WDFY4: variants seen among roughly 807,000 people sequenced by gnomAD.
WDFY4 encodes WD repeat- and FYVE domain-containing protein 4.
Under a neutral mutation model 351.9 loss-of-function variants are expected in WDFY4, and 169 were observed. The ratio of observed to expected loss-of-function variants is 0.48; its 90% CI spans 0.42 to 0.55. The LOEUF (loss-of-function observed/expected upper bound fraction) is 0.55, where lower values mean the gene tolerates loss of function less well. WDFY4 is among the 20% of genes least tolerant of loss of function. The pLI, the probability that WDFY4 is intolerant of heterozygous loss-of-function variation, is 0.00. For synonymous variants in WDFY4, 1,622 were observed against 1,574.6 expected (o/e 1.03, Z -0.71); for missense variants, 3,803 against 3,935.6 (o/e 0.97, Z 0.90).
intron 5 of WDFY4, 78 bp downstream of exon 5, chr10:48,723,645 T>TG (rs1347100620): frequency 1.3e-6 from 2 of 1,521,066 alleles, no homozygotes; most frequent in Admixed American, 2.1e-5. Context: ...TTCCCGTAGA[T>TG]GCTTTTGTCT....
intron 52 of WDFY4, among the ~76,000 whole-genome samples, chr10:48,958,328 T>C: frequency 6.6e-6 from 1 of 152,018 alleles, no homozygotes; most frequent in East Asian, 1.9e-4. Flanking sequence ...GTGAACAAAT[T>C]CAAAGGATGG....
chr10:48,926,657 A>C (rs1170419541), intron 47 of WDFY4, among the ~76,000 whole-genome samples: 1 of 152,232 alleles, frequency 6.6e-6, no homozygotes, highest in African/African-American at 2.4e-5. Context: ...GTTCATTTTC[A>C]TAGATGTACC....
chr10:48,815,756 G>C (rs2620895), intron 31 of WDFY4, among the ~76,000 whole-genome samples: 1 of 151,396 alleles, frequency 6.6e-6, no homozygotes, highest in African/African-American at 2.4e-5. Flanking sequence ...CTTTTAGCCA[G>C]TTTCCTATGA....
Position 48,969,114 on chromosome 10 carries a change from C to A in WDFY4, c.8635C>A (p.His2879Asn). The A allele has an allele frequency of 6.4e-7, 1 of 1,551,756 alleles. No homozygotes were observed. The part of the protein sequence containing the change: ...GSESPKGAIG[H>N]IVSTEKTILA... ...AGAGTCCCCCAAAGGGGCCATTGGC[C>A]ACATTGTCTCTACTGAGAAGACCAT... The change falls in exon 56 of 62, where the codon CAC becomes AAC. Residue 2879 changes from histidine to asparagine, a missense_variant. By Grantham distance (68) the His-to-Asn change is moderately conservative. Around this residue, in one of 3 missense-constraint regions of WDFY4, gnomAD observed 3,054 missense variants for 3,148.6 expected, o/e 0.97. Transcript: ENST00000325239.
chr10:48,761,523 A>T (rs549522596), intron 13 of WDFY4, among the ~76,000 whole-genome samples: 10 of 152,302 alleles, frequency 6.6e-5, no homozygotes, highest in African/African-American at 2.4e-4. Context: ...CCAGAGGCAG[A>T]ATCACAGGCT....
Position 48,897,539 on chromosome 10 carries a change from A to T in WDFY4, c.7402A>T (p.Met2468Leu). ...YSCQCHSYADMRELRQARFLL... is the reference protein window; with the variant it reads ...YSCQCHSYADLRELRQARFLL... ...GTGCCAGTGCCACAGCTACGCTGACATGCGGGAGCTACGGCAGGCTCGCTT... is the reference window on the plus strand; with the variant it reads ...GTGCCAGTGCCACAGCTACGCTGACTTGCGGGAGCTACGGCAGGCTCGCTT... The change falls in exon 45 of 62, where the codon ATG (methionine) becomes TTG (leucine). Residue 2468 changes from methionine to leucine, a missense_variant. Physicochemically the swap from Met to Leu is conservative, Grantham distance 15 (BLOSUM62 2). Around this residue, in one of 3 missense-constraint regions of WDFY4, gnomAD observed 3,054 missense variants for 3,148.6 expected, o/e 0.97. Transcript: ENST00000325239. 6.4e-7 allele frequency: 1 copy of T among 1,550,610 alleles called. No individual in the cohort carries two copies. The highest frequency in any genetic ancestry group is 8.7e-7 in the Non-Finnish European group (1 of 1,146,998).
At position 48,788,673 on chromosome 10, in the gene WDFY4, G is replaced by T; in HGVS notation, c.3952G>T (p.Glu1318Ter). The T allele has an allele frequency of 6.4e-7, 1 of 1,551,604 alleles. No homozygotes were observed. The highest frequency in any genetic ancestry group is 8.7e-7 in the Non-Finnish European group (1 of 1,146,902). ...NEVDSRLIAK[E>*]MNISSRDNAM... ...GGTGGACAGCCGCCTGATCGCCAAA[G>T]AGGTACATCTTCTAACTTCGCTGCT... The change falls in exon 21 of 62, where the codon GAG (glutamate) becomes TAG (stop). Residue 1318 changes from glutamate to a stop codon, truncating the protein, a stop_gained and splice_region_variant. Coordinates refer to ENST00000325239, the MANE Select transcript of WDFY4 (RefSeq NM_001394531.1). LOFTEE classifies it high-confidence loss of function.
chr10:48,698,067 A>G (rs541459179), intron 1 of WDFY4, among the ~76,000 whole-genome samples: 2 of 152,166 alleles, frequency 1.3e-5, no homozygotes, highest in Admixed American at 6.5e-5. Flanking sequence ...TGCGTTGTCC[A>G]TTACAGAGCC....
chr10:48,805,325 T>TCAATGAGCC lies in WDFY4; in HGVS notation c.4551_4559dup (p.Asn1518_Pro1520dup). ...CTTATACCCAAGCTCATCTTCCTAT[T>TCAATGAGCC]CAATGAGCCGAGCCTCATCCCCTCC... On this transcript the variant is annotated inframe_insertion, in exon 26 of 62. Coordinates refer to ENST00000325239, the MANE Select transcript of WDFY4 (RefSeq NM_001394531.1). 6.5e-7 allele frequency: 1 copy of TCAATGAGCC among 1,548,614 alleles called. No homozygotes were observed. Among genetic ancestry groups the TCAATGAGCC allele is most frequent in the South Asian group, 1.2e-5 (1 of 84,050 alleles).
intron 39 of WDFY4, among the ~76,000 whole-genome samples, chr10:48,849,601 G>A (rs2068891437): frequency 6.6e-6 from 1 of 152,228 alleles, no homozygotes; most frequent in Non-Finnish European, 1.5e-5. Flanking sequence ...TGGGGGTTAG[G>A]ATGGAGGGTT....
chr10:48,917,428 A>G (rs1328363206), intron 47 of WDFY4, among the ~76,000 whole-genome samples: 1 of 152,206 alleles, frequency 6.6e-6, no homozygotes, highest in Non-Finnish European at 1.5e-5. Context: ...AACAAGATAA[A>G]TAAAGAAATT....
Position 48,966,107 on chromosome 10 carries a change from A to G in WDFY4, c.8437-419A>G, listed in dbSNP as rs574898628. On this transcript the variant is annotated intron_variant, in intron 54 of 61. Coordinates refer to ENST00000325239, the MANE Select transcript of WDFY4 (RefSeq NM_001394531.1). ...GTGTTGATGCTTAATGAGCCTGCAG[A>G]GAGTTGGTGAGGGAAGGATGAAAAC... is the stretch of plus-strand genomic sequence containing the variant. Among the ~76,000 whole-genome samples, 7 of 152,282 alleles carry G rather than the reference A, an allele frequency of 4.6e-5. No individual in the cohort carries two copies. In the East Asian group the frequency reaches 1.4e-3, roughly 29 times the overall value.
At chr10:48,737,849 GA>G (rs2064722570) in intron 11 of WDFY4, among the ~76,000 whole-genome samples, 3 of 152,350 alleles carry the variant, frequency 2.0e-5, no homozygotes, top group Admixed American at 1.3e-4. Context: ...AATTACCTTA[GA>G]TTCATGTGGT....
At chr10:48,718,953 A>G (rs950607040) in intron 2 of WDFY4, among the ~76,000 whole-genome samples, 1 of 152,234 alleles carries the variant, frequency 6.6e-6, no homozygotes, top group Non-Finnish European at 1.5e-5. Flanking sequence ...ATCAGGTGGG[A>G]TAGAAATACA....
chr10:48,952,773 G>A (rs1364164824), intron 51 of WDFY4, among the ~76,000 whole-genome samples: 1 of 152,142 alleles, frequency 6.6e-6, no homozygotes, highest in Non-Finnish European at 1.5e-5. Context: ...GGCCACTCTG[G>A]GGTCATCCCG....
chr10:48,847,838 C>T (rs192733288), intron 39 of WDFY4, among the ~76,000 whole-genome samples: 30 of 152,100 alleles, frequency 2.0e-4, no homozygotes, highest in African/African-American at 5.5e-4. Context: ...CATCACAGTT[C>T]GAAAAAGACA....
intron 40 of WDFY4, 95 bp from the exon 41 acceptor site, chr10:48,873,396 G>T: frequency 7.4e-7 from 1 of 1,343,280 alleles, no homozygotes; most frequent in South Asian, 1.5e-5. Context: ...AACATTCATG[G>T]GAGACTTGGC....
chr10:48,913,256 G>T, intron 47 of WDFY4: 1 of 796,700 alleles, frequency 1.3e-6, no homozygotes, highest in Non-Finnish European at 2.0e-6. Flanking sequence ...AGAAAGTAAG[G>T]AAAGGAGTTT....
At chr10:48,976,604 A>T in intron 58 of WDFY4, 193 bp from the exon 59 acceptor site, 1 of 422,102 alleles carries the variant, frequency 2.4e-6, no homozygotes, top group Non-Finnish European at 4.0e-6. Flanking sequence ...GTATGAAAAG[A>T]ACCAAGAATT....
Sources: allele counts gnomAD v4.1 joint callset (sites outside exome capture counted in the v4.1 genomes callset), GRCh38; gene constraint gnomAD v4.1.1; regional missense constraint gnomAD v4.1.1; transcripts MANE v1.5; gene names NCBI Gene and HGNC (gene_info 2026-07-23, HGNC 2026-07-21).